The following RTN4RL1 variants were observed in gnomAD, a reference collection of about 807,000 sequenced individuals.
The protein encoded by RTN4RL1 is reticulon 4 receptor like 1.
Under a neutral mutation model 25.6 loss-of-function variants are expected in RTN4RL1, and 7 were observed. That is an observed-to-expected ratio of 0.27 (90% CI 0.16 to 0.51). The LOEUF is 0.51. Ranked by LOEUF, RTN4RL1 falls within the 20% of genes least tolerant of loss-of-function variation. The probability of loss-of-function intolerance (pLI) is 0.97; values close to 1 mark genes in which losing one functional copy is unlikely to be tolerated. For synonymous variants in RTN4RL1, 297 were observed against 288.2 expected (o/e 1.03, Z -0.31); for missense variants, 500 against 615.6 (o/e 0.81, Z 1.99).
intron 1 of RTN4RL1, among the ~76,000 whole-genome samples, chr17:2,001,927 T>TGGGGGAGGCG (rs533325282): frequency 6.8e-6 from 1 of 146,194 alleles, no homozygotes; most frequent in Non-Finnish European, 1.5e-5. Flanking sequence ...ACTTCAGCCC[T>TGGGGGAGGCG]GGGGGAGGGG....
chr17:1,996,908 C>T (rs1284482174), intron 1 of RTN4RL1, among the ~76,000 whole-genome samples: 1 of 152,224 alleles, frequency 6.6e-6, no homozygotes, highest in Non-Finnish European at 1.5e-5. Flanking sequence ...CAGGCTATTC[C>T]TGGTTGCTGG....
intron 1 of RTN4RL1, among the ~76,000 whole-genome samples, chr17:1,967,979 G>A (rs191165716): frequency 4.8e-4 from 73 of 152,132 alleles, no homozygotes; most frequent in Non-Finnish European, 4.0e-4. Context: ...TGAGGTCAAA[G>A]TCCCCTTGAA....
intron 1 of RTN4RL1, among the ~76,000 whole-genome samples, chr17:1,951,242 G>T (rs557223802): frequency 6.6e-6 from 1 of 151,790 alleles, no homozygotes; most frequent in East Asian, 1.9e-4. Context: ...TCCAGCCTGG[G>T]CGACAGAGCG....
intron 1 of RTN4RL1, among the ~76,000 whole-genome samples, chr17:2,021,381 C>T (rs2067199294): frequency 6.6e-6 from 1 of 152,036 alleles, no homozygotes; most frequent in South Asian, 2.1e-4. Flanking sequence ...GGGGTTTTTT[C>T]TCTTCCCTCC....
intron 1 of RTN4RL1, among the ~76,000 whole-genome samples, chr17:1,979,765 GC>G (rs1234806383): frequency 6.6e-6 from 1 of 152,168 alleles, no homozygotes; most frequent in East Asian, 1.9e-4. Flanking sequence ...CCAGCCCTTT[GC>G]CCAGTAGGGT....
rs1000153752 is a variant in RTN4RL1, at chr17:1,935,644, G to GTATAGTT, written c.*845_*851dup. ...CTTAGTTCAGCAAATACAGTTTTCT[G>GTATAGTT]TATAGTTTATAAACATGAAAAGACG... On this transcript the variant is annotated 3_prime_UTR_variant, in exon 2 of 2. Transcript: ENST00000331238. 1.0e-6 allele frequency: 1 copy of GTATAGTT among 976,824 alleles called. No individual in the cohort carries two copies. The highest frequency in any genetic ancestry group is 1.2e-6 in the Non-Finnish European group (1 of 827,412). 60.5% of individuals were successfully genotyped at this position (976,824 alleles called of 1,614,324 possible).
At position 2,010,206 on chromosome 17, in the gene RTN4RL1, C is replaced by G. The variant is rs990429099; in HGVS notation, c.13+14647G>C. Among the ~76,000 whole-genome samples, 13 of 128,984 alleles carry G rather than the reference C, an allele frequency of 1.0e-4. 3 individuals are homozygous for G. The highest frequency in any genetic ancestry group is 2.1e-4 in the Non-Finnish European group (13 of 61,170). 84.6% of individuals were successfully genotyped at this position (128,984 alleles called of 152,430 possible). A position where few individuals can be genotyped will look rare whatever the true frequency, so the allele number is the denominator to read the frequency against. On this transcript the variant is annotated intron_variant, in intron 1 of 1. Transcript: ENST00000331238. ...GCGCGGTAGCTCACGCCTATAATCC[C>G]AGCACTTTGGGAGGCCGATGTGGGT...
chr17:1,944,092 AT>A (rs1189220141), intron 1 of RTN4RL1, among the ~76,000 whole-genome samples: 1 of 151,978 alleles, frequency 6.6e-6, no homozygotes, highest in Non-Finnish European at 1.5e-5. Context: ...CGCTCCGTGA[AT>A]TTTTTATTTT....
chr17:2,023,836 T>C (rs2067241784), intron 1 of RTN4RL1, among the ~76,000 whole-genome samples: 1 of 152,170 alleles, frequency 6.6e-6, no homozygotes, highest in Admixed American at 6.5e-5. Flanking sequence ...GCCCCTCGGC[T>C]ACCTGAGCTC....
Position 1,936,413 on chromosome 17 carries a change from C to A in RTN4RL1, c.*83G>T, listed in dbSNP as rs1257655539. The A allele has an allele frequency of 5.5e-6, 8 of 1,460,286 alleles. No homozygotes were observed. In the African/African-American group the frequency reaches 8.5e-5, roughly 16 times the overall value. 90.5% of individuals were successfully genotyped at this position (1,460,286 alleles called of 1,614,324 possible). ...AGCCTTTTCCTGAAACCCAGCAGAT[C>A]TTCCACTTGTTAAAAAAAGAAGAAA... On this transcript the variant is annotated 3_prime_UTR_variant, in exon 2 of 2. Coordinates refer to ENST00000331238, the MANE Select transcript of RTN4RL1 (RefSeq NM_178568.4).
In RTN4RL1 at chr17:1,988,521, A is replaced by AG. The variant is rs1293853531; in HGVS notation, c.13+36331_13+36332insC. Among the ~76,000 whole-genome samples, 3 of 86,010 alleles carry AG rather than the reference A, an allele frequency of 3.5e-5. 1 individual carries two copies. Among genetic ancestry groups the AG allele is most frequent in the Non-Finnish European group, 7.8e-5 (3 of 38,692 alleles). 56.4% of individuals were successfully genotyped at this position (86,010 alleles called of 152,430 possible). On this transcript the variant is annotated intron_variant, in intron 1 of 1. Coordinates refer to ENST00000331238, the MANE Select transcript of RTN4RL1 (RefSeq NM_178568.4). Reference sequence around the variant, plus strand: ...GACTCTGTCTCAAAAAAAAAAAAAAAAGAAAAGAAAAGAAAAAGAAAGAAT... The same window carrying AG: ...GACTCTGTCTCAAAAAAAAAAAAAAAGAGAAAAGAAAAGAAAAAGAAAGAAT...
intron 1 of RTN4RL1, among the ~76,000 whole-genome samples, chr17:1,988,087 CAA>C (rs1396444015): frequency 6.6e-6 from 1 of 150,494 alleles, no homozygotes; most frequent in Non-Finnish European, 1.5e-5. Context: ...GCCTAGGAAA[CAA>C]GAGCGAAACT....
chr17:2,002,002 G>T (rs1165997721), intron 1 of RTN4RL1, among the ~76,000 whole-genome samples: 2 of 91,248 alleles, frequency 2.2e-5, no homozygotes, highest in Non-Finnish European at 4.8e-5. Context: ...TTTGCTTAAA[G>T]GATTTTTTTT....
At chr17:1,948,878 C>T (rs1254612290) in intron 1 of RTN4RL1, among the ~76,000 whole-genome samples, 16 of 152,036 alleles carry the variant, frequency 1.1e-4, no homozygotes, top group Admixed American at 7.9e-4. Context: ...CTGCAACCTC[C>T]GCCTCCTGGG....
intron 1 of RTN4RL1, among the ~76,000 whole-genome samples, chr17:1,962,283 A>T: frequency 6.6e-6 from 1 of 151,834 alleles, no homozygotes; most frequent in East Asian, 1.9e-4. Context: ...TCTCTGGAAA[A>T]AAAAAAAAGA....
chr17:1,941,240 G>C (rs1437122920), intron 1 of RTN4RL1, among the ~76,000 whole-genome samples: 1 of 152,218 alleles, frequency 6.6e-6, no homozygotes, highest in Non-Finnish European at 1.5e-5. Flanking sequence ...ACACAAAGCA[G>C]GTGCCTCCAA....
intron 1 of RTN4RL1, among the ~76,000 whole-genome samples, chr17:2,015,595 C>T (rs549656954): frequency 6.6e-6 from 1 of 152,314 alleles, no homozygotes; most frequent in African/African-American, 2.4e-5. Context: ...GGACGGCCAA[C>T]AGGGCCGATG....
intron 1 of RTN4RL1, among the ~76,000 whole-genome samples, chr17:1,972,523 C>G (rs780336989): frequency 2.6e-5 from 4 of 152,012 alleles, no homozygotes; most frequent in Non-Finnish European, 4.4e-5. Context: ...TGACCCTTCC[C>G]GCTTTGCGGC....
intron 1 of RTN4RL1, among the ~76,000 whole-genome samples, chr17:1,961,430 C>G (rs1219647982): frequency 6.6e-6 from 1 of 152,148 alleles, no homozygotes; most frequent in Non-Finnish European, 1.5e-5. Context: ...GTGACGGCCT[C>G]TCTAGTTTGC....
Sources: gnomAD v4.1 joint callset for allele counts (sites outside exome capture counted in the v4.1 genomes callset) on GRCh38, gnomAD v4.1.1 for gene constraint, MANE v1.5 for transcripts, NCBI Gene and HGNC (gene_info 2026-07-23, HGNC 2026-07-21) for gene names.